MOXD1: variants seen among roughly 807,000 people sequenced by gnomAD.
MOXD1 encodes the protein monooxygenase DBH like 1, also known as DBH-like monooxygenase protein 1.
In MOXD1, 62 loss-of-function variants were observed where a neutral mutation model predicts 66.6. The ratio of observed to expected loss-of-function variants is 0.93; its 90% CI spans 0.76 to 1.15. MOXD1 has a LOEUF of 1.15. Ranked by LOEUF, MOXD1 falls within the 50% of genes most tolerant of loss-of-function variation. MOXD1 has a pLI of 0.00. For missense variants in MOXD1, 847 were observed against 754.6 expected (o/e 1.12, Z -1.44); for synonymous variants, 303 against 281.9 (o/e 1.07, Z -0.75).
intron 4 of MOXD1, among the ~76,000 whole-genome samples, chr6:132,333,335 C>CAAAAAA (rs35163669): frequency 1.4e-5 from 1 of 72,484 alleles, no homozygotes; most frequent in Non-Finnish European, 2.9e-5. Flanking sequence ...GACTCCGTCT[C>CAAAAAA]AAAAAAAAAA....
chr6:132,359,283 T>C (rs1775966607), intron 4 of MOXD1, among the ~76,000 whole-genome samples: 1 of 152,062 alleles, frequency 6.6e-6, no homozygotes, highest in East Asian at 1.9e-4. Context: ...AATTTTTCTT[T>C]AGAGACAAGA....
At chr6:132,338,289 C>T (rs750555592) in intron 4 of MOXD1, among the ~76,000 whole-genome samples, 1 of 152,196 alleles carries the variant, frequency 6.6e-6, no homozygotes, top group Non-Finnish European at 1.5e-5. Flanking sequence ...CATCAGTGCT[C>T]TACCAAGAAC....
chr6:132,332,276 C>T (rs1233506100), intron 4 of MOXD1, among the ~76,000 whole-genome samples: 1 of 151,834 alleles, frequency 6.6e-6, no homozygotes, highest in Non-Finnish European at 1.5e-5. Context: ...ACCCATAAAA[C>T]AACAAGGAAC....
chr6:132,374,752 T>A lies in MOXD1; in HGVS notation c.290A>T (p.Glu97Val), dbSNP rs756917320. ...LQDYFTNANR[E>V]LKKDAQQDYH... ...ATCTTGCTGAGCATCTTTTTTCAAC[T>A]CTCTATTTGCATTTGTAAAATAATC... Residue 97 changes from glutamate (E) to valine (V), a missense_variant, in exon 2 of 12, where the codon GAG (glutamate) becomes GTG (valine). Physicochemically the swap from Glu to Val is moderately radical, Grantham distance 121 (BLOSUM62 -2). Transcript: ENST00000367963. 1 of 1,613,680 alleles carries A rather than the reference T, an allele frequency of 6.2e-7. No individual in the cohort carries two copies. Among genetic ancestry groups the A allele is most frequent in the African/African-American group, 1.3e-5 (1 of 74,918 alleles).
At chr6:132,316,379 A>C (rs1486478222) in intron 9 of MOXD1, among the ~76,000 whole-genome samples, 1 of 152,102 alleles carries the variant, frequency 6.6e-6, no homozygotes, top group Non-Finnish European at 1.5e-5. Flanking sequence ...GTAGAAATGG[A>C]TTGTAAGATT....
At chr6:132,400,976 G>A (rs1480926723) in intron 1 of MOXD1, among the ~76,000 whole-genome samples, 187 bp downstream of exon 1, 3 of 152,232 alleles carry the variant, frequency 2.0e-5, no homozygotes, top group Non-Finnish European at 4.4e-5. Context: ...TCCCTACCGC[G>A]CGCCTTCTGG....
rs9385600 is a variant in MOXD1 at position 132,327,074 on chromosome 6, A to G, written c.946+939T>C. 0.036 allele frequency among the ~76,000 whole-genome samples: 5,451 copies of G among 152,216 alleles called. 609 individuals are homozygous for G. In the East Asian group the frequency reaches 0.41, roughly 12 times the overall value. On this transcript the variant is annotated intron_variant, in intron 6 of 11. Coordinates refer to ENST00000367963, the MANE Select transcript of MOXD1 (RefSeq NM_015529.4). ...AGCCTTCCTCTGCAGGTTCATCAGC[A>G]TCTTTCTTCACTGCACCCTAACCCT...
In MOXD1 at chr6:132,394,739, A is replaced by T. The variant is rs1015370455; in HGVS notation, c.264+6424T>A. The stretch of plus-strand genomic sequence containing the variant: ...AGCAAAAGAATCTCAGAACTTGAAG[A>T]GAGGTATTTTGAAATAACTCAGACA... On this transcript the variant is annotated intron_variant, in intron 1 of 11. Transcript: ENST00000367963. Among the ~76,000 whole-genome samples the T allele has an allele frequency of 3.3e-5, 5 of 152,198 alleles. No individual in the cohort carries two copies. The South Asian group carries it at 8.3e-4, about 25-fold the overall frequency.
At chr6:132,372,731 T>G (rs1312460369) in intron 3 of MOXD1, 40 bp from the exon 4 acceptor site, 1 of 1,607,484 alleles carries the variant, frequency 6.2e-7, no homozygotes, top group Non-Finnish European at 8.5e-7. Flanking sequence ...AAAGTCACCT[T>G]CTCTTAACAT....
chr6:132,329,384 G>A (rs1459150460), intron 4 of MOXD1, among the ~76,000 whole-genome samples: 1 of 152,010 alleles, frequency 6.6e-6, no homozygotes, highest in Admixed American at 6.6e-5. Context: ...ATGGACATTT[G>A]GGTTTGTTCC....
At position 132,311,782 on chromosome 6, in the gene MOXD1, A is replaced by T. The variant is rs917408820; in HGVS notation, c.1508+3853T>A. 2.2e-4 allele frequency among the ~76,000 whole-genome samples: 33 copies of T among 152,148 alleles called. 1 individual carries two copies. Among genetic ancestry groups the T allele is most frequent in the Non-Finnish European group, 1.5e-5 (1 of 68,000 alleles). On this transcript the variant is annotated intron_variant, in intron 10 of 11. Transcript: ENST00000367963. ...TAAATATATACATATTAAGATGTTT[A>T]TAATAACATTCATTCAACATGTTAG...
intron 4 of MOXD1, among the ~76,000 whole-genome samples, chr6:132,344,609 C>T (rs1218716535): frequency 6.6e-6 from 1 of 152,178 alleles, no homozygotes; most frequent in Admixed American, 6.5e-5. Context: ...TGATTGATCC[C>T]CACCCTTCAC....
chr6:132,381,183 T>C (rs916723261), intron 1 of MOXD1, among the ~76,000 whole-genome samples: 1 of 152,208 alleles, frequency 6.6e-6, no homozygotes, highest in Non-Finnish European at 1.5e-5. Context: ...CCTGCTTTTC[T>C]TTCTGTTAAA....
At chr6:132,308,006 A>G (rs1774732995) in intron 10 of MOXD1, among the ~76,000 whole-genome samples, 1 of 152,142 alleles carries the variant, frequency 6.6e-6, no homozygotes, top group South Asian at 2.1e-4. Flanking sequence ...AAGACAAGAA[A>G]TAACTAAAAT....
At chr6:132,358,604 A>G (rs1213076548) in intron 4 of MOXD1, among the ~76,000 whole-genome samples, 1 of 152,236 alleles carries the variant, frequency 6.6e-6, no homozygotes, top group Non-Finnish European at 1.5e-5. Flanking sequence ...ATATGGGTAT[A>G]TACTAACACC....
rs1586043929 is a variant in MOXD1, at chr6:132,296,675, A to C, written c.*478T>G. On this transcript the variant is annotated 3_prime_UTR_variant, in exon 12 of 12. Transcript: ENST00000367963. ...ACCAGAACTGGACAATATTAAAGTC[A>C]GGAAGAATGGCTGTTACACTTGAAA... 1 of 153,010 alleles carries C rather than the reference A, an allele frequency of 6.5e-6. No homozygotes were observed. Among genetic ancestry groups the C allele is most frequent in the Non-Finnish European group, 1.5e-5 (1 of 68,554 alleles). 9.5% of individuals were successfully genotyped at this position (153,010 alleles called of 1,614,324 possible).
chr6:132,355,828 G>A (rs1443193433), intron 4 of MOXD1, among the ~76,000 whole-genome samples: 1 of 152,130 alleles, frequency 6.6e-6, no homozygotes, highest in Non-Finnish European at 1.5e-5. Context: ...TTGAACTTTG[G>A]GTTGGTTTGG....
At chr6:132,342,462 A>C (rs1775584446) in intron 4 of MOXD1, among the ~76,000 whole-genome samples, 1 of 152,230 alleles carries the variant, frequency 6.6e-6, no homozygotes, top group Non-Finnish European at 1.5e-5. Context: ...TTTTCTCCTT[A>C]GTTGGAGTAA....
chr6:132,391,363 T>G (rs1776759410), intron 1 of MOXD1: 1 of 152,206 alleles, frequency 6.6e-6, no homozygotes, highest in Non-Finnish European at 1.5e-5. Context: ...TAGCTTACAG[T>G]TAATAAAAAT....
Sources: gnomAD v4.1 joint callset for allele counts (sites outside exome capture counted in the v4.1 genomes callset) on GRCh38, gnomAD v4.1.1 for gene constraint, MANE v1.5 for transcripts, NCBI Gene and HGNC (gene_info 2026-07-23, HGNC 2026-07-21) for gene names.